The following HMGN5 variants were observed in gnomAD, a reference collection of about 807,000 sequenced individuals.
The protein encoded by HMGN5 is high mobility group nucleosome binding domain 5.
Under a neutral mutation model 9.5 loss-of-function variants are expected in HMGN5, and 4 were observed. The ratio of observed to expected loss-of-function variants is 0.42; its 90% CI spans 0.21 to 0.96. The LOEUF is 0.96. HMGN5 is among the 40% of genes least tolerant of loss of function. The pLI is 0.30. For missense variants in HMGN5, 192 were observed against 187.5 expected (o/e 1.02, Z -0.14); for synonymous variants, 55 against 57.1 (o/e 0.96, Z 0.16).
At chrX:81,161,833 T>C (rs1257769841) in intron 1 of HMGN5, among the ~76,000 whole-genome samples, 1 of 111,364 alleles carries the variant, frequency 9.0e-6, no homozygotes, top group African/African-American at 3.3e-5. Flanking sequence ...AAATACCACT[T>C]GGCTTCTTTT....
intron 1 of HMGN5, among the ~76,000 whole-genome samples, chrX:81,128,127 A>G (rs2075289522): frequency 9.0e-6 from 1 of 110,825 alleles, no homozygotes; most frequent in Non-Finnish European, 1.9e-5. Context: ...TTGTTTTTCA[A>G]GGAATCATTC....
chrX:81,198,752 C>T (rs1285301653), intron 1 of HMGN5, among the ~76,000 whole-genome samples: 3 of 111,687 alleles, frequency 2.7e-5, no homozygotes, highest in Non-Finnish European at 5.6e-5. Flanking sequence ...CTATTTATGA[C>T]AAACCCACAG....
intron 6 of HMGN5, 131 bp downstream of exon 6, chrX:81,116,073 C>A: frequency 6.7e-6 from 3 of 448,907 alleles, no homozygotes; most frequent in Non-Finnish European, 1.1e-5. Flanking sequence ...CTCTTAGATA[C>A]CATTATACTA....
chrX:81,158,844 A>C (rs1194250860), intron 1 of HMGN5, among the ~76,000 whole-genome samples: 1 of 111,562 alleles, frequency 9.0e-6, no homozygotes, highest in Non-Finnish European at 1.9e-5. Context: ...TTTTTGTATA[A>C]TGTGTAGCTA....
chrX:81,141,455 T>C (rs1002323249), intron 1 of HMGN5, among the ~76,000 whole-genome samples: 2 of 81,726 alleles, frequency 2.4e-5, no homozygotes, highest in Non-Finnish European at 4.8e-5. Flanking sequence ...CTTCAAGTGA[T>C]GCAAAACAGA....
intron 1 of HMGN5, among the ~76,000 whole-genome samples, chrX:81,198,822 C>T (rs1416540966): frequency 9.0e-6 from 1 of 111,667 alleles, no homozygotes; most frequent in Non-Finnish European, 1.9e-5. Context: ...TGGCACAAGA[C>T]AAGGATGCCC....
At chrX:81,124,139 C>T (rs920075116) in intron 1 of HMGN5, among the ~76,000 whole-genome samples, 2 of 112,167 alleles carry the variant, frequency 1.8e-5, no homozygotes, top group Admixed American at 9.5e-5. Context: ...TGAAGGCTAA[C>T]GTGTTGCAAC....
chrX:81,200,470 G>C (rs981435925), intron 1 of HMGN5, among the ~76,000 whole-genome samples: 3 of 111,879 alleles, frequency 2.7e-5, no homozygotes. Context: ...AAATGTCCCA[G>C]TGATAGACTG....
intron 1 of HMGN5, among the ~76,000 whole-genome samples, chrX:81,173,618 C>T (rs746731557): frequency 3.4e-4 from 38 of 112,074 alleles, no homozygotes; most frequent in Non-Finnish European, 4.0e-4. Flanking sequence ...TTTTCTTGTG[C>T]TTCCACGCTA....
intron 1 of HMGN5, among the ~76,000 whole-genome samples, chrX:81,145,610 C>T (rs2075341424): frequency 9.0e-6 from 1 of 111,539 alleles, no homozygotes; most frequent in Non-Finnish European, 1.9e-5. Flanking sequence ...GCAAAATAAC[C>T]AGCTAGCATC....
intron 1 of HMGN5, among the ~76,000 whole-genome samples, chrX:81,188,177 C>A (rs2075482739): frequency 9.1e-6 from 1 of 109,302 alleles, no homozygotes. Flanking sequence ...TGGCTCACTG[C>A]AATCTCTGCC....
At chrX:81,172,010 A>G (rs2075427073) in intron 1 of HMGN5, among the ~76,000 whole-genome samples, 1 of 111,636 alleles carries the variant, frequency 9.0e-6, no homozygotes, top group Non-Finnish European at 1.9e-5. Context: ...CTTCTTATGA[A>G]TCGTGTCTTG....
At chrX:81,173,828 G>T (rs192732874) in intron 1 of HMGN5, among the ~76,000 whole-genome samples, 1 of 111,600 alleles carries the variant, frequency 9.0e-6, no homozygotes, top group South Asian at 3.7e-4. Flanking sequence ...TTGAATGAAT[G>T]TAACCTTTTC....
At chrX:81,136,176 G>A (rs2075310656) in intron 1 of HMGN5, among the ~76,000 whole-genome samples, 1 of 111,121 alleles carries the variant, frequency 9.0e-6, no homozygotes, top group South Asian at 3.8e-4. Context: ...ACTAAGGCAG[G>A]GTGAATGTTG....
intron 1 of HMGN5, among the ~76,000 whole-genome samples, chrX:81,190,831 C>G (rs1020491300): frequency 1.8e-5 from 2 of 111,159 alleles, no homozygotes; most frequent in Non-Finnish European, 3.8e-5. Context: ...GTTAAAAGAA[C>G]TACCTTATTA....
At chrX:81,184,519 A>G (rs1381117081) in intron 1 of HMGN5, among the ~76,000 whole-genome samples, 1 of 105,463 alleles carries the variant, frequency 9.5e-6, no homozygotes, top group Non-Finnish European at 2.0e-5. Context: ...GTTTACAAAT[A>G]TTTTCTCCCA....
intron 1 of HMGN5, among the ~76,000 whole-genome samples, chrX:81,148,470 A>G (rs1031389324): frequency 4.5e-5 from 5 of 112,159 alleles, no homozygotes; most frequent in Non-Finnish European, 9.4e-5. Flanking sequence ...CGCCTTATAC[A>G]GAAATTAATT....
rs2075275334 is a variant in HMGN5 at position 81,123,713 on chromosome X, TTC to T, written c.-123-2043_-123-2042del. Among the ~76,000 whole-genome samples the T allele has an allele frequency of 4.4e-5, 5 of 112,447 alleles. No homozygotes were observed. The South Asian group carries it at 1.8e-3, about 41-fold the overall frequency. On this transcript the variant is annotated intron_variant, in intron 1 of 6. Coordinates refer to ENST00000358130, the MANE Select transcript of HMGN5 (RefSeq NM_030763.3). ...AGCATGCAAAGTTGCATTACACAGC[TTC>T]TGTCTTTAAGGAATTTTATAATTTT...
At chrX:81,200,223 A>C (rs1259058337) in intron 1 of HMGN5, among the ~76,000 whole-genome samples, 1 of 111,931 alleles carries the variant, frequency 8.9e-6, no homozygotes, top group Non-Finnish European at 1.9e-5. Context: ...GATGCTGGAG[A>C]GGGTTTGGAG....
Sources: allele counts gnomAD v4.1 joint callset (sites outside exome capture counted in the v4.1 genomes callset), GRCh38; gene constraint gnomAD v4.1.1; transcripts MANE v1.5; gene names NCBI Gene and HGNC (gene_info 2026-07-23, HGNC 2026-07-21).